Variants in R3HDM1 observed in about 807,000 individuals in gnomAD.
The protein encoded by R3HDM1 is R3H domain-containing protein 1.
R3HDM1 carries 46 observed loss-of-function variants against 141.1 expected under a neutral mutation model. The observed-to-expected ratio is 0.33, with a 90% confidence interval of 0.26 to 0.42. R3HDM1 has a LOEUF of 0.42. Ranked by LOEUF, R3HDM1 falls within the 10% of genes least tolerant of loss-of-function variation. R3HDM1 has a pLI of 1.00. For missense variants in R3HDM1, 1,184 were observed against 1,368.3 expected, an observed-to-expected ratio of 0.87 and a Z score of 2.12; for synonymous variants, 435 against 472.9, an observed-to-expected ratio of 0.92 and a Z score of 1.04.
At chr2:135,595,123 G>A (rs1387221172) in intron 1 of R3HDM1, among the ~76,000 whole-genome samples, 1 of 152,062 alleles carries the variant, frequency 6.6e-6, no homozygotes, top group Non-Finnish European at 1.5e-5. Flanking sequence ...CCAATTTTCT[G>A]TTAGATTTCT....
chr2:135,656,194 CA>C (rs2065869854), intron 18 of R3HDM1, among the ~76,000 whole-genome samples: 1 of 152,066 alleles, frequency 6.6e-6, no homozygotes, highest in African/African-American at 2.4e-5. Context: ...TTTTATCTGA[CA>C]TTATAGTGTC....
chr2:135,587,645 T>A (rs1429242017), intron 1 of R3HDM1, among the ~76,000 whole-genome samples: 1 of 152,200 alleles, frequency 6.6e-6, no homozygotes, highest in East Asian at 1.9e-4. Context: ...AGTTTTTTCT[T>A]GAGAACTATA....
chr2:135,706,105 G>A (rs1410528186), intron 21 of R3HDM1, among the ~76,000 whole-genome samples: 1 of 151,314 alleles, frequency 6.6e-6, no homozygotes, highest in Non-Finnish European at 1.5e-5. Context: ...CTCCAGCCTG[G>A]GTGACAAAGG....
chr2:135,535,529 AATAAATAAATAAATAT>A (rs1474269494), intron 1 of R3HDM1, among the ~76,000 whole-genome samples: 28 of 149,730 alleles, frequency 1.9e-4, no homozygotes, highest in African/African-American at 6.9e-4. Flanking sequence ...TAAATAAATA[AATAAATAAATAAATAT>A]GAGATGGCTG....
At chr2:135,709,981 A>G in intron 22 of R3HDM1, 78 bp from the exon 23 acceptor site, 3 of 1,378,958 alleles carry the variant, frequency 2.2e-6, no homozygotes, top group East Asian at 2.3e-5. Context: ...TAAAATTACT[A>G]CTGTTATCCT....
chr2:135,657,363 A>G (rs934630445), intron 18 of R3HDM1, among the ~76,000 whole-genome samples: 15 of 150,240 alleles, frequency 1.0e-4, no homozygotes, highest in African/African-American at 3.7e-4. Flanking sequence ...GTAAGCTGAG[A>G]TTGCGCCACT....
At chr2:135,628,209 A>G (rs2062246560) in intron 7 of R3HDM1, among the ~76,000 whole-genome samples, 1 of 152,226 alleles carries the variant, frequency 6.6e-6, no homozygotes, top group Admixed American at 6.5e-5. Flanking sequence ...TTATAAAAAT[A>G]TCTAACCTCA....
intron 1 of R3HDM1, among the ~76,000 whole-genome samples, chr2:135,554,133 C>A (rs1338842223): frequency 6.6e-6 from 1 of 152,194 alleles, no homozygotes; most frequent in Non-Finnish European, 1.5e-5. Flanking sequence ...ACATTTTCAT[C>A]TCTCCAAAAA....
chr2:135,625,551 C>T (rs766367067), intron 7 of R3HDM1, among the ~76,000 whole-genome samples: 3 of 152,324 alleles, frequency 2.0e-5, no homozygotes, highest in South Asian at 2.1e-4. Flanking sequence ...CGTTTCCTAG[C>T]TTACAACTAA....
intron 19 of R3HDM1, among the ~76,000 whole-genome samples, chr2:135,668,746 G>A (rs2067894638): frequency 6.6e-6 from 1 of 152,186 alleles, no homozygotes; most frequent in Admixed American, 6.5e-5. Flanking sequence ...GTTAAAGCTG[G>A]CACTGCCCTG....
intron 1 of R3HDM1, among the ~76,000 whole-genome samples, chr2:135,578,964 A>G (rs1357550353): frequency 6.6e-6 from 1 of 152,184 alleles, no homozygotes; most frequent in Non-Finnish European, 1.5e-5. Context: ...ATGTATGAAT[A>G]CAAAAATACA....
intron 1 of R3HDM1, among the ~76,000 whole-genome samples, chr2:135,573,913 A>T (rs779488316): frequency 6.6e-6 from 1 of 152,162 alleles, no homozygotes; most frequent in Non-Finnish European, 1.5e-5. Flanking sequence ...CAGTAAACAC[A>T]TTTATCTGAA....
intron 3 of R3HDM1, chr2:135,607,372 A>C (rs1166572688): frequency 1.0e-6 from 1 of 969,290 alleles, no homozygotes; most frequent in Non-Finnish European, 1.2e-6. Flanking sequence ...ACACCAGGTT[A>C]GACAATGATA....
intron 1 of R3HDM1, among the ~76,000 whole-genome samples, chr2:135,601,133 A>T (rs1000658310): frequency 6.6e-6 from 1 of 152,234 alleles, no homozygotes; most frequent in Non-Finnish European, 1.5e-5. Flanking sequence ...TTTATGAGAT[A>T]AAAAGCTAAA....
Position 135,604,960 on chromosome 2 carries a change from G to A in R3HDM1, c.115G>A (p.Gly39Arg). ...VENLIKSENY[G>R]KILVEKNEHC... ...AAATCTTATCAAATCAGAAAACTAT[G>A]GGAAGATTTTGGTAGAGAAGAATGA... The change falls in exon 3 of 27, where the codon GGG (glycine) becomes AGG (arginine). Residue 39 changes from glycine to arginine, a missense_variant. Transcript: ENST00000683871. The A allele has an allele frequency of 6.2e-7, 1 of 1,612,368 alleles. No homozygotes were observed. The highest frequency in any genetic ancestry group is 1.1e-5 in the South Asian group (1 of 90,966).
rs568221032 is a variant in R3HDM1 at position 135,623,235 on chromosome 2, A to T, written c.497+503A>T. 2.9e-4 allele frequency among the ~76,000 whole-genome samples: 44 copies of T among 152,314 alleles called. 1 individual carries two copies. Among genetic ancestry groups the T allele is most frequent in the African/African-American group, 1.1e-3 (44 of 41,588 alleles). On this transcript the variant is annotated intron_variant, in intron 7 of 26. Coordinates refer to ENST00000683871, the MANE Select transcript of R3HDM1 (RefSeq NM_001378107.1). Reference sequence around the variant, plus strand: ...TCAGATTACTAAATGAATAATTTTTAACTTTTTGGCAACTCATAAGCACTT... The same window carrying T: ...TCAGATTACTAAATGAATAATTTTTTACTTTTTGGCAACTCATAAGCACTT...
chr2:135,701,055 A>G (rs1298315645), intron 21 of R3HDM1, among the ~76,000 whole-genome samples: 1 of 152,106 alleles, frequency 6.6e-6, no homozygotes, highest in Non-Finnish European at 1.5e-5. Context: ...ATAACAATAT[A>G]CTGTAAGAAA....
At chr2:135,713,516 T>C (rs1053321979) in intron 23 of R3HDM1, among the ~76,000 whole-genome samples, 2 of 152,226 alleles carry the variant, frequency 1.3e-5, no homozygotes, top group African/African-American at 2.4e-5. Flanking sequence ...TGCAAAAATA[T>C]GTGTACAATA....
At chr2:135,659,614 T>G (rs1274562562) in intron 18 of R3HDM1, among the ~76,000 whole-genome samples, 1 of 151,990 alleles carries the variant, frequency 6.6e-6, no homozygotes, top group Non-Finnish European at 1.5e-5. Flanking sequence ...ATTTTTTAAT[T>G]TTCAGTAGTG....
Sources: gnomAD v4.1 joint callset for allele counts (sites outside exome capture counted in the v4.1 genomes callset) on GRCh38, gnomAD v4.1.1 for gene constraint, MANE v1.5 for transcripts, NCBI Gene and HGNC (gene_info 2026-07-23, HGNC 2026-07-21) for gene names.